Variants in NRXN3 observed in about 807,000 individuals in gnomAD.
The protein encoded by NRXN3 is neurexin 3.
Under a neutral mutation model 137.6 loss-of-function variants are expected in NRXN3, and 32 were observed. The ratio of observed to expected loss-of-function variants is 0.23; its 90% CI spans 0.18 to 0.31. The LOEUF (loss-of-function observed/expected upper bound fraction) is 0.31. NRXN3 is among the 10% of genes least tolerant of loss of function. The pLI, the probability that NRXN3 is intolerant of heterozygous loss-of-function variation, is 1.00. For missense variants in NRXN3, 1,574 were observed against 2,062.5 expected, an observed-to-expected ratio of 0.76 and a Z score of 4.59; for synonymous variants, 798 against 784.5, an observed-to-expected ratio of 1.02 and a Z score of -0.29.
At chr14:78,210,678 TC>T (rs2153411322) in intron 1 of NRXN3, among the ~76,000 whole-genome samples, 1 of 151,850 alleles carries the variant, frequency 6.6e-6, no homozygotes, top group African/African-American at 2.4e-5. Flanking sequence ...TCAGTTGCTG[TC>T]CCCACCCCTG....
intron 4 of NRXN3, among the ~76,000 whole-genome samples, chr14:78,546,414 C>T (rs2096637006): frequency 6.6e-6 from 1 of 152,068 alleles, no homozygotes; most frequent in Admixed American, 6.6e-5. Flanking sequence ...AGATATTTGT[C>T]TTTTTCTTGT....
At chr14:78,376,099 A>G (rs141719024) in intron 4 of NRXN3, among the ~76,000 whole-genome samples, 290 of 152,180 alleles carry the variant, frequency 1.9e-3, no homozygotes, top group African/African-American at 6.7e-3. Flanking sequence ...GTGATACAGC[A>G]CTGAAAGACT....
intron 10 of NRXN3, among the ~76,000 whole-genome samples, chr14:78,949,269 T>G (rs1207902492): frequency 6.6e-6 from 1 of 152,148 alleles, no homozygotes; most frequent in Non-Finnish European, 1.5e-5. Flanking sequence ...ATAAATTTAC[T>G]CTCCTTTAAT....
intron 15 of NRXN3, among the ~76,000 whole-genome samples, chr14:79,269,199 G>C (rs1192387477): frequency 6.6e-6 from 1 of 152,016 alleles, no homozygotes; most frequent in African/African-American, 2.4e-5. Context: ...TCAGGTGCCC[G>C]CCACCACGCC....
intron 4 of NRXN3, among the ~76,000 whole-genome samples, chr14:78,398,192 T>G (rs1452055671): frequency 7.4e-6 from 1 of 134,718 alleles, no homozygotes; most frequent in Non-Finnish European, 1.5e-5. Flanking sequence ...CCAGCCTGGG[T>G]GACAAGAGCA....
intron 15 of NRXN3, among the ~76,000 whole-genome samples, chr14:79,412,528 C>G (rs2095431696): frequency 6.6e-6 from 1 of 151,756 alleles, no homozygotes. Flanking sequence ...CCTGTAATCC[C>G]AGCACTTTGG....
chr14:79,515,766 A>G (rs930954519), intron 16 of NRXN3, among the ~76,000 whole-genome samples: 1 of 152,196 alleles, frequency 6.6e-6, no homozygotes, highest in African/African-American at 2.4e-5. Flanking sequence ...TTAATAGATA[A>G]TGACACCTTG....
intron 15 of NRXN3, among the ~76,000 whole-genome samples, chr14:79,220,072 C>G (rs533939712): frequency 6.6e-6 from 1 of 152,238 alleles, no homozygotes; most frequent in Middle Eastern, 3.4e-3. Flanking sequence ...GTTACTAGCT[C>G]AAATATCTCT....
chr14:78,200,557 A>G (rs2061585230), intron 1 of NRXN3, among the ~76,000 whole-genome samples: 1 of 152,202 alleles, frequency 6.6e-6, no homozygotes, highest in Admixed American at 6.5e-5. Flanking sequence ...GGTGATTCTG[A>G]TGCACATGGT....
intron 7 of NRXN3, chr14:78,709,988 C>A: frequency 3.8e-6 from 1 of 266,094 alleles, no homozygotes; most frequent in African/African-American, 2.2e-5. Context: ...TTGCCCCATT[C>A]TTTGCTTCTC....
chr14:79,818,893 T>TA (rs1395897585), intron 20 of NRXN3, among the ~76,000 whole-genome samples: 1 of 152,208 alleles, frequency 6.6e-6, no homozygotes, highest in Non-Finnish European at 1.5e-5. Context: ...ATCTGAGGAT[T>TA]CCATTACAAA....
intron 16 of NRXN3, among the ~76,000 whole-genome samples, chr14:79,590,966 C>A (rs1244487845): frequency 6.6e-6 from 1 of 152,208 alleles, no homozygotes; most frequent in African/African-American, 2.4e-5. Flanking sequence ...TTAGCTCCAA[C>A]AAAACCCCCT....
intron 15 of NRXN3, among the ~76,000 whole-genome samples, chr14:79,154,859 T>G (rs752078360): frequency 2.1e-4 from 32 of 151,968 alleles, no homozygotes; most frequent in Non-Finnish European, 4.3e-4. Context: ...GTAAAACTTC[T>G]TAATTCTTGT....
chr14:78,823,205 A>G (rs2098956208), intron 10 of NRXN3, among the ~76,000 whole-genome samples: 2 of 152,196 alleles, frequency 1.3e-5, no homozygotes, highest in African/African-American at 2.4e-5. Context: ...CACTCTCCAC[A>G]TGACTGATGC....
intron 16 of NRXN3, among the ~76,000 whole-genome samples, chr14:79,565,184 G>A (rs2097534850): frequency 7.2e-6 from 1 of 138,488 alleles, no homozygotes; most frequent in East Asian, 2.1e-4. Flanking sequence ...AAGTATAAAT[G>A]GATTGTAGCT....
At chr14:78,388,936 T>C (rs1399538601) in intron 4 of NRXN3, among the ~76,000 whole-genome samples, 6 of 152,134 alleles carry the variant, frequency 3.9e-5, no homozygotes, top group African/African-American at 7.2e-5. Context: ...ATTTCTATTT[T>C]TTTCTGTTAT....
At chr14:78,749,591 G>A (rs1338106044) in intron 8 of NRXN3, among the ~76,000 whole-genome samples, 1 of 152,164 alleles carries the variant, frequency 6.6e-6, no homozygotes, top group Admixed American at 6.5e-5. Context: ...CTGATGTTCT[G>A]GAAAAATTAG....
chr14:79,225,927 T>C (rs1290120206), intron 15 of NRXN3, among the ~76,000 whole-genome samples: 1 of 152,150 alleles, frequency 6.6e-6, no homozygotes, highest in Non-Finnish European at 1.5e-5. Flanking sequence ...CCTGCATTCT[T>C]CTGCTTCTTT....
intron 1 of NRXN3, among the ~76,000 whole-genome samples, chr14:78,171,908 A>G (rs2058761086): frequency 1.3e-5 from 2 of 151,648 alleles, no homozygotes; most frequent in African/African-American, 4.8e-5. Context: ...TTTTTTTTTA[A>G]TGCAAAGGTC....
Sources: allele counts gnomAD v4.1 joint callset (sites outside exome capture counted in the v4.1 genomes callset), GRCh38; gene constraint gnomAD v4.1.1; transcripts MANE v1.5; gene names NCBI Gene and HGNC (gene_info 2026-07-23, HGNC 2026-07-21).